Variants in CEP63 observed in about 807,000 individuals in gnomAD.
CEP63 encodes the protein centrosomal protein of 63 kDa.
CEP63 carries 84 observed loss-of-function variants against 89.1 expected under a neutral mutation model. The observed-to-expected ratio is 0.94, with a 90% CI of 0.79 to 1.13. The LOEUF (loss-of-function observed/expected upper bound fraction) is 1.13, where lower values mean the gene tolerates loss of function less well. CEP63 is among the 50% of genes most tolerant of loss of function. The pLI is 0.00. For synonymous variants in CEP63, 267 were observed against 272.5 expected (o/e 0.98, Z 0.20); for missense variants, 838 against 813.3 (o/e 1.03, Z -0.37).
intron 12 of CEP63, among the ~76,000 whole-genome samples, chr3:134,557,765 C>T (rs1956526102): frequency 6.6e-6 from 1 of 152,122 alleles, no homozygotes; most frequent in African/African-American, 2.4e-5. Context: ...TGAACTAGGT[C>T]TCCGTTTTCT....
At chr3:134,575,280 C>A (rs1958180938), downstream of CEP63, among the ~76,000 whole-genome samples, 1 of 131,894 alleles carries the variant, frequency 7.6e-6, no homozygotes, top group Non-Finnish European at 1.6e-5. Flanking sequence ...CTTTCCCCCT[C>A]CCTCCCTTCC....
At chr3:134,534,583 C>T (rs1950428776) in intron 5 of CEP63, among the ~76,000 whole-genome samples, 1 of 152,144 alleles carries the variant, frequency 6.6e-6, no homozygotes, top group South Asian at 2.1e-4. Context: ...CTTTCCCCTT[C>T]ATCTCCTGTG....
In CEP63 at chr3:134,505,593, C is replaced by T. The variant is rs573816974; in HGVS notation, c.45-1516C>T. 3.1e-3 allele frequency among the ~76,000 whole-genome samples: 477 copies of T among 152,142 alleles called. 1 individual carries two copies. The highest frequency in any genetic ancestry group is 5.8e-3 in the Non-Finnish European group (395 of 67,986). ...AGGCAGGGCAGATCAATCCCCAGGCCCGTGGGTGACATGCACAGGCACCAG... is the reference window on the plus strand; with the variant it reads ...AGGCAGGGCAGATCAATCCCCAGGCTCGTGGGTGACATGCACAGGCACCAG... On this transcript the variant is annotated intron_variant, in intron 2 of 14. Coordinates refer to ENST00000675561, the MANE Select transcript of CEP63 (RefSeq NM_001353108.3).
intron 11 of CEP63, among the ~76,000 whole-genome samples, chr3:134,571,302 G>A (rs1957999737): frequency 6.6e-6 from 1 of 152,194 alleles, no homozygotes; most frequent in African/African-American, 2.4e-5. Context: ...GGTACTTAGA[G>A]GTTCTTTACC....
chr3:134,713,919 C>T, the CEP63 span, among the ~76,000 whole-genome samples: 1 of 152,214 alleles, frequency 6.6e-6, no homozygotes, highest in Non-Finnish European at 1.5e-5. Context: ...GAGCTCAGAA[C>T]TGTGCCTGGT....
the CEP63 span, among the ~76,000 whole-genome samples, chr3:134,736,667 A>G: frequency 6.6e-6 from 1 of 152,208 alleles, no homozygotes; most frequent in African/African-American, 2.4e-5. Context: ...AGGTTCCTGA[A>G]TAAATGGAAT....
At chr3:134,505,202 G>T (rs1196265621) in intron 2 of CEP63, among the ~76,000 whole-genome samples, 2 of 151,960 alleles carry the variant, frequency 1.3e-5, no homozygotes, top group Middle Eastern at 3.4e-3. Flanking sequence ...TTGTGTCCTT[G>T]TGTTGATTTC....
the CEP63 span, among the ~76,000 whole-genome samples, chr3:134,662,982 G>C: frequency 1.3e-5 from 2 of 152,200 alleles, no homozygotes; most frequent in East Asian, 3.9e-4. Context: ...AGATCTGTGG[G>C]CATTCACACA....
chr3:134,573,970 T>C (rs1958123316), intron 11 of CEP63, among the ~76,000 whole-genome samples: 1 of 152,230 alleles, frequency 6.6e-6, no homozygotes, highest in South Asian at 2.1e-4. Flanking sequence ...GCTCTTCTCC[T>C]GGGTCTTCTT....
chr3:134,760,439 G>A, the CEP63 span, among the ~76,000 whole-genome samples: 20,727 of 152,216 alleles, frequency 0.14, 1,538 homozygotes, highest in Middle Eastern at 0.18. Context: ...AGATAAAGAA[G>A]ATGAGGTCAA....
intron 2 of CEP63, among the ~76,000 whole-genome samples, chr3:134,498,461 G>A (rs1365758588): frequency 1.3e-5 from 2 of 152,138 alleles, no homozygotes; most frequent in East Asian, 1.9e-4. Flanking sequence ...TTTTGGTGGA[G>A]TCTTTAGGTT....
At chr3:134,684,065 T>C in the CEP63 span, among the ~76,000 whole-genome samples, 2 of 152,148 alleles carry the variant, frequency 1.3e-5, no homozygotes, top group Non-Finnish European at 2.9e-5. Context: ...AAACCACAGA[T>C]GTGTACTACA....
the CEP63 span, among the ~76,000 whole-genome samples, chr3:134,652,704 G>T: frequency 6.6e-6 from 1 of 152,136 alleles, no homozygotes; most frequent in African/African-American, 2.4e-5. Context: ...CTCTCTATGT[G>T]GCTGGGGAAG....
At chr3:134,626,981 A>C in the CEP63 span, among the ~76,000 whole-genome samples, 1 of 152,244 alleles carries the variant, frequency 6.6e-6, no homozygotes. Flanking sequence ...CACATCGAAC[A>C]GATTTCCACT....
the CEP63 span, among the ~76,000 whole-genome samples, chr3:134,593,737 T>C: frequency 3.3e-5 from 5 of 152,236 alleles, no homozygotes; most frequent in Non-Finnish European, 7.3e-5. Context: ...TAAGAGGCCA[T>C]CTTTCCAGAG....
the CEP63 span, among the ~76,000 whole-genome samples, chr3:134,706,285 G>C: frequency 6.6e-6 from 1 of 152,242 alleles, no homozygotes; most frequent in South Asian, 2.1e-4. Flanking sequence ...GTTCTTGGTC[G>C]ATCTGTAGGC....
chr3:134,593,277 C>T, the CEP63 span, among the ~76,000 whole-genome samples: 1 of 152,140 alleles, frequency 6.6e-6, no homozygotes, highest in Non-Finnish European at 1.5e-5. Flanking sequence ...ATGACTGATG[C>T]ATCGTGATGG....
intron 3 of CEP63, chr3:134,510,613 A>G: frequency 1.5e-6 from 1 of 659,168 alleles, no homozygotes; most frequent in Non-Finnish European, 2.8e-6. Flanking sequence ...AGGGGTGGGA[A>G]ATTGGGAGGC....
the CEP63 span, among the ~76,000 whole-genome samples, chr3:134,733,568 T>A: frequency 6.6e-6 from 1 of 152,144 alleles, no homozygotes; most frequent in Non-Finnish European, 1.5e-5. Flanking sequence ...CTTAACCCAA[T>A]ATGACAGGTG....
Sources: allele counts gnomAD v4.1 joint callset (sites outside exome capture counted in the v4.1 genomes callset), GRCh38; gene constraint gnomAD v4.1.1; transcripts MANE v1.5; gene names NCBI Gene and HGNC (gene_info 2026-07-23, HGNC 2026-07-21).